TAF1B: variants seen among roughly 807,000 people sequenced by gnomAD.
TAF1B encodes TATA-box binding protein associated factor, RNA polymerase I subunit B.
TAF1B carries 61 observed loss-of-function variants against 83.9 expected under a neutral mutation model. That is an observed-to-expected ratio of 0.73 (90% CI 0.59 to 0.90). The LOEUF (loss-of-function observed/expected upper bound fraction) is 0.90. Ranked by LOEUF, TAF1B falls within the 40% of genes least tolerant of loss-of-function variation. The pLI, the probability that TAF1B is intolerant of heterozygous loss-of-function variation, is 0.00. For synonymous variants in TAF1B, 221 were observed against 224.6 expected (o/e 0.98, Z 0.14); for missense variants, 625 against 677.0 (o/e 0.92, Z 0.85).
chr2:9,861,722 C>T (rs915249545), intron 5 of TAF1B, among the ~76,000 whole-genome samples: 9 of 152,212 alleles, frequency 5.9e-5, no homozygotes, highest in East Asian at 1.9e-4. Context: ...ACACCTCACA[C>T]GGCCAGGTAC....
At chr2:9,902,127 C>G (rs1287074357) in intron 8 of TAF1B, among the ~76,000 whole-genome samples, 3 of 151,750 alleles carry the variant, frequency 2.0e-5, no homozygotes, top group Non-Finnish European at 4.4e-5. Context: ...TAAAAATTAA[C>G]AGTGTAATTG....
chr2:9,886,329 G>A (rs185537481), intron 8 of TAF1B, among the ~76,000 whole-genome samples: 2 of 152,258 alleles, frequency 1.3e-5, no homozygotes, highest in Admixed American at 1.3e-4. Flanking sequence ...CTACTTCTGA[G>A]CTATACTCGC....
chr2:9,898,358 T>C (rs966224300), intron 8 of TAF1B, among the ~76,000 whole-genome samples: 4 of 152,244 alleles, frequency 2.6e-5, no homozygotes, highest in Non-Finnish European at 5.9e-5. Flanking sequence ...CAGTGCATTA[T>C]ATAAGCCTTA....
At chr2:9,919,453 C>G in intron 13 of TAF1B, 145 bp from the exon 14 acceptor site, 1 of 700,736 alleles carries the variant, frequency 1.4e-6, no homozygotes, top group Non-Finnish European at 2.4e-6. Flanking sequence ...TTCATTTTCC[C>G]TTAACGTTAT....
At position 9,882,814 on chromosome 2, in the gene TAF1B, T is replaced by C. The variant is rs528668509; in HGVS notation, c.807+9T>C. ...GAATCTTTGGTATAGAGGTAAGTTA[T>C]TTTCTTTTTTACTTTCTAGTCTCTG... On this transcript the variant is annotated intron_variant, in intron 8 of 14. Transcript: ENST00000263663. 1.9e-6 allele frequency: 3 copies of C among 1,573,538 alleles called. No individual in the cohort carries two copies. The highest frequency in any genetic ancestry group is 2.3e-5 in the East Asian group (1 of 44,290).
chr2:9,897,243 A>G (rs1302969871), intron 8 of TAF1B, among the ~76,000 whole-genome samples: 2 of 152,176 alleles, frequency 1.3e-5, no homozygotes, highest in Non-Finnish European at 2.9e-5. Flanking sequence ...TATTAGATAC[A>G]ATTTATTCTG....
intron 14 of TAF1B, among the ~76,000 whole-genome samples, chr2:9,929,447 C>G (rs555358730): frequency 6.6e-6 from 1 of 152,096 alleles, no homozygotes; most frequent in Admixed American, 6.6e-5. Flanking sequence ...CGCGAGCCAC[C>G]GTGCCTGGCC....
At chr2:9,925,568 T>A (rs1249786608) in intron 14 of TAF1B, among the ~76,000 whole-genome samples, 1 of 146,660 alleles carries the variant, frequency 6.8e-6, no homozygotes, top group Admixed American at 7.0e-5. Flanking sequence ...TGGTTTTGGG[T>A]TTTTTTGTTT....
chr2:9,872,791 T>C (rs1466594835), intron 6 of TAF1B, among the ~76,000 whole-genome samples: 1 of 152,216 alleles, frequency 6.6e-6, no homozygotes, highest in East Asian at 1.9e-4. Flanking sequence ...TGACTTTATA[T>C]ATTCATTTAA....
intron 5 of TAF1B, among the ~76,000 whole-genome samples, chr2:9,855,920 A>C (rs541313416): frequency 3.9e-5 from 6 of 152,334 alleles, no homozygotes; most frequent in Non-Finnish European, 8.8e-5. Context: ...GACTTTGTGC[A>C]TATTGCTTGC....
chr2:9,877,568 C>CT (rs1188778336), intron 7 of TAF1B, among the ~76,000 whole-genome samples: 1 of 152,130 alleles, frequency 6.6e-6, no homozygotes, highest in Non-Finnish European at 1.5e-5. Flanking sequence ...CAGATGAGCT[C>CT]TGTGTCTGTA....
At chr2:9,858,478 C>G (rs1233105224) in intron 5 of TAF1B, among the ~76,000 whole-genome samples, 1 of 152,224 alleles carries the variant, frequency 6.6e-6, no homozygotes, top group Non-Finnish European at 1.5e-5. Context: ...AAGACGATGG[C>G]CCTCTTCTCA....
At chr2:9,922,161 G>A (rs1248270855) in intron 14 of TAF1B, among the ~76,000 whole-genome samples, 1 of 152,164 alleles carries the variant, frequency 6.6e-6, no homozygotes, top group Non-Finnish European at 1.5e-5. Context: ...CTTGCTAATT[G>A]TAGGAAGGTT....
intron 5 of TAF1B, among the ~76,000 whole-genome samples, chr2:9,859,030 G>C (rs1663660916): frequency 6.6e-6 from 1 of 152,168 alleles, no homozygotes. Context: ...CAGAAAATGG[G>C]TTTTCCTTTT....
chr2:9,867,311 T>G (rs548299894), intron 5 of TAF1B, among the ~76,000 whole-genome samples: 1 of 152,246 alleles, frequency 6.6e-6, no homozygotes, highest in African/African-American at 2.4e-5. Flanking sequence ...GCAGAGTATG[T>G]GGTAGAGTTG....
intron 6 of TAF1B, 171 bp downstream of exon 6, chr2:9,868,600 C>T: frequency 2.9e-6 from 3 of 1,018,574 alleles, no homozygotes; most frequent in Admixed American, 2.0e-5. Flanking sequence ...TAAGTGAAAT[C>T]TTAGCGCAAT....
chr2:9,856,476 G>C (rs1663571252), intron 5 of TAF1B, among the ~76,000 whole-genome samples: 1 of 152,104 alleles, frequency 6.6e-6, no homozygotes, highest in Admixed American at 6.5e-5. Flanking sequence ...ACATGAGAGA[G>C]ATACTTCCCA....
intron 14 of TAF1B, among the ~76,000 whole-genome samples, chr2:9,924,704 A>T (rs1487036431): frequency 6.6e-6 from 1 of 152,246 alleles, no homozygotes; most frequent in East Asian, 1.9e-4. Context: ...TACAATGAAA[A>T]GTGATGCTTA....
At chr2:9,843,587 A>T (rs385513) in intron 1 of TAF1B, 28 bp downstream of exon 1, 4 of 1,499,758 alleles carry the variant, frequency 2.7e-6, no homozygotes, top group Non-Finnish European at 3.6e-6. Flanking sequence ...CTGGCGGGCC[A>T]CGATCGCCGG....
Sources: gnomAD v4.1 joint callset for allele counts (sites outside exome capture counted in the v4.1 genomes callset) on GRCh38, gnomAD v4.1.1 for gene constraint, MANE v1.5 for transcripts, NCBI Gene and HGNC (gene_info 2026-07-23, HGNC 2026-07-21) for gene names.